The following AP2B1 variants were observed in gnomAD, a reference collection of about 807,000 sequenced individuals.
AP2B1 encodes AP-2 complex subunit beta.
A neutral mutation model predicts 102.0 loss-of-function variants in AP2B1; 23 were observed. The ratio of observed to expected loss-of-function variants is 0.23; its 90% CI spans 0.16 to 0.32. The LOEUF (loss-of-function observed/expected upper bound fraction) is 0.32, where lower values mean the gene tolerates loss of function less well. Ranked by LOEUF, AP2B1 falls within the 10% of genes least tolerant of loss-of-function variation. The probability of loss-of-function intolerance (pLI) is 1.00; values close to 1 mark genes in which losing one functional copy is unlikely to be tolerated. For missense variants in AP2B1, 541 were observed against 1,157.4 expected (o/e 0.47, Z 7.73); for synonymous variants, 381 against 421.2 (o/e 0.90, Z 1.17).
chr17:35,696,366 A>C (rs1215304423), intron 18 of AP2B1, among the ~76,000 whole-genome samples: 1 of 151,876 alleles, frequency 6.6e-6, no homozygotes, highest in East Asian at 1.9e-4. Flanking sequence ...AATGAAGAGA[A>C]GTAGGTTAAT....
In AP2B1 at chr17:35,720,373, A is replaced by T. The variant is rs587770875; in HGVS notation, c.2781+3024A>T. Among the ~76,000 whole-genome samples, 101 of 151,546 alleles carry T rather than the reference A, an allele frequency of 6.7e-4. 2 individuals are homozygous for T. Among genetic ancestry groups the T allele is most frequent in the African/African-American group, 2.2e-3 (91 of 41,232 alleles). ...GTAAATTGTTCCTAAACCAGAAGAGAGGGTTGCAGGGAAGAAAAAGATATC... is the reference window on the plus strand; with the variant it reads ...GTAAATTGTTCCTAAACCAGAAGAGTGGGTTGCAGGGAAGAAAAAGATATC... On this transcript the variant is annotated intron_variant, in intron 21 of 21. Coordinates refer to ENST00000610402, the MANE Select transcript of AP2B1 (RefSeq NM_001030006.2).
chr17:35,598,436 C>A, intron 3 of AP2B1, 101 bp downstream of exon 3: 1 of 664,338 alleles, frequency 1.5e-6, no homozygotes, highest in Non-Finnish European at 2.4e-6. Flanking sequence ...CATAGAACCT[C>A]TAAGAATGGG....
chr17:35,682,963 T>G (rs1036990522), intron 18 of AP2B1, 139 bp downstream of exon 18: 7 of 713,112 alleles, frequency 9.8e-6, no homozygotes, highest in Non-Finnish European at 1.4e-5. Flanking sequence ...CTGCAACCTC[T>G]GCCTCCTGGG....
At chr17:35,717,143 A>AT in intron 20 of AP2B1, 52 bp from the exon 21 acceptor site, 1 of 1,594,398 alleles carries the variant, frequency 6.3e-7, no homozygotes, top group Non-Finnish European at 8.6e-7. Flanking sequence ...GAGAGTGTAC[A>AT]TTTGTTTGAG....
chr17:35,701,868 G>A (rs780557177), intron 18 of AP2B1, among the ~76,000 whole-genome samples: 6 of 152,060 alleles, frequency 3.9e-5, no homozygotes, highest in African/African-American at 9.7e-5. Flanking sequence ...TCCTCCTTCC[G>A]CCTTTGGTCT....
At chr17:35,664,250 A>T (rs1567935349) in intron 14 of AP2B1, among the ~76,000 whole-genome samples, 1 of 151,840 alleles carries the variant, frequency 6.6e-6, no homozygotes, top group African/African-American at 2.4e-5. Context: ...CGGCTGGGAG[A>T]TGTTTGTTTA....
intron 21 of AP2B1, 124 bp downstream of exon 21, chr17:35,717,473 T>A: frequency 2.7e-6 from 3 of 1,098,646 alleles, no homozygotes; most frequent in Non-Finnish European, 3.9e-6. Context: ...ACAAAATAAG[T>A]AGTCAATGAA....
At chr17:35,670,833 C>T (rs749220726) in intron 14 of AP2B1, 24 bp from the exon 15 acceptor site, 1 of 1,613,228 alleles carries the variant, frequency 6.2e-7, no homozygotes, top group Admixed American at 1.7e-5. Context: ...CCTCTCTCTC[C>T]TCTCTCTCCT....
At chr17:35,658,553 A>G (rs768263450) in intron 14 of AP2B1, among the ~76,000 whole-genome samples, 1 of 152,216 alleles carries the variant, frequency 6.6e-6, no homozygotes, top group Non-Finnish European at 1.5e-5. Context: ...GAAAAATAAC[A>G]AGTCTATTAC....
intron 17 of AP2B1, among the ~76,000 whole-genome samples, chr17:35,679,281 T>A (rs79688427): frequency 0.036 from 5,505 of 152,268 alleles, 142 homozygotes; most frequent in Non-Finnish European, 0.049. Flanking sequence ...CTTCAAGCCC[T>A]GTCTTTCAAG....
At chr17:35,704,770 C>T (rs1322332473) in intron 18 of AP2B1, among the ~76,000 whole-genome samples, 1 of 152,112 alleles carries the variant, frequency 6.6e-6, no homozygotes, top group Admixed American at 6.5e-5. Flanking sequence ...CGGTGGCTCA[C>T]GCCTGTAATT....
intron 9 of AP2B1, 78 bp from the exon 10 acceptor site, chr17:35,636,263 T>C: frequency 1.0e-6 from 1 of 965,372 alleles, no homozygotes; most frequent in Non-Finnish European, 1.6e-6. Context: ...TGCACCTGCA[T>C]GTTTCAAAAT....
At chr17:35,720,802 G>A (rs2085367001) in intron 21 of AP2B1, among the ~76,000 whole-genome samples, 1 of 149,470 alleles carries the variant, frequency 6.7e-6, no homozygotes, top group Non-Finnish European at 1.5e-5. Context: ...CATCCTGTCT[G>A]GTGACTAGGT....
intron 13 of AP2B1, among the ~76,000 whole-genome samples, chr17:35,654,283 CA>C (rs890115821): frequency 4.6e-5 from 7 of 152,094 alleles, no homozygotes; most frequent in African/African-American, 1.7e-4. Flanking sequence ...AGGCTGGTCT[CA>C]AACTCCTGAC....
intron 12 of AP2B1, among the ~76,000 whole-genome samples, chr17:35,645,037 AAAAAAAAGAAAG>A (rs917492375): frequency 6.6e-6 from 1 of 151,794 alleles, no homozygotes; most frequent in African/African-American, 2.4e-5. Context: ...GTCTCGGAAA[AAAAAAAAGAAAG>A]AAAAAAAGAA....
intron 13 of AP2B1, among the ~76,000 whole-genome samples, chr17:35,655,770 C>G (rs1195441011): frequency 6.6e-6 from 1 of 152,156 alleles, no homozygotes; most frequent in Non-Finnish European, 1.5e-5. Flanking sequence ...TGTATGAGTT[C>G]CATACATCTA....
At chr17:35,692,801 A>G (rs779634601) in intron 18 of AP2B1, among the ~76,000 whole-genome samples, 2 of 152,036 alleles carry the variant, frequency 1.3e-5, no homozygotes, top group Admixed American at 6.5e-5. Context: ...GTAAAATCTC[A>G]TAGTTGGAAG....
At chr17:35,621,394 GTAA>G (rs1462512233) in intron 5 of AP2B1, 2 of 942,694 alleles carry the variant, frequency 2.1e-6, no homozygotes, top group East Asian at 2.3e-4. Flanking sequence ...TGCTAAAAAT[GTAA>G]CAGTCTGACT....
chr17:35,689,985 T>C (rs964546539), intron 18 of AP2B1, among the ~76,000 whole-genome samples: 2 of 152,222 alleles, frequency 1.3e-5, no homozygotes, highest in East Asian at 3.8e-4. Context: ...GTTGATAGTT[T>C]TCCCCAATTT....
Sources: allele counts gnomAD v4.1 joint callset (sites outside exome capture counted in the v4.1 genomes callset), GRCh38; gene constraint gnomAD v4.1.1; transcripts MANE v1.5; gene names NCBI Gene and HGNC (gene_info 2026-07-23, HGNC 2026-07-21).